MTMR9: variants seen among roughly 807,000 people sequenced by gnomAD.
The protein encoded by MTMR9 is myotubularin related protein 9.
A neutral mutation model predicts 69.5 loss-of-function variants in MTMR9; 39 were observed. The ratio of observed to expected loss-of-function variants is 0.56; its 90% CI spans 0.43 to 0.73. The LOEUF (loss-of-function observed/expected upper bound fraction) is 0.73, where lower values mean the gene tolerates loss of function less well. Ranked by LOEUF, MTMR9 falls within the 30% of genes least tolerant of loss-of-function variation. The pLI, the probability that MTMR9 is intolerant of heterozygous loss-of-function variation, is 0.00. For synonymous variants in MTMR9, 354 were observed against 240.8 expected (o/e 1.47, Z -4.35); for missense variants, 900 against 671.2 (o/e 1.34, Z -3.77).
the MTMR9 span, among the ~76,000 whole-genome samples, chr8:11,336,757 G>C: frequency 1.3e-5 from 2 of 152,150 alleles, no homozygotes. Context: ...AGCTAAACGA[G>C]AGCAGGCAAT....
chr8:11,302,135 C>A (rs1193857485), intron 3 of MTMR9, among the ~76,000 whole-genome samples: 6 of 151,328 alleles, frequency 4.0e-5, no homozygotes, highest in Admixed American at 4.0e-4. Flanking sequence ...TGTCTTTGGT[C>A]CCAGTTACCT....
chr8:11,323,181 A>T lies in MTMR9; in HGVS notation c.*393A>T, dbSNP rs1172409704. 1 of 153,566 alleles carries T rather than the reference A, an allele frequency of 6.5e-6. No individual in the cohort carries two copies. The highest frequency in any genetic ancestry group is 1.9e-4 in the East Asian group (1 of 5,266). The allele number at this position is 153,566 out of a possible 1,614,324, so 9.5% of individuals were successfully genotyped here. A position where few individuals can be genotyped will look rare whatever the true frequency, so the allele number is the denominator to read the frequency against. On this transcript the variant is annotated 3_prime_UTR_variant, in exon 10 of 10. Coordinates refer to ENST00000221086, the MANE Select transcript of MTMR9 (RefSeq NM_015458.4). ...CTAGGGACTATTTGGTGGTTTAAAA[A>T]AAGGGTCAGACTTTTAAACACTCTG...
chr8:11,338,502 T>G, the MTMR9 span, among the ~76,000 whole-genome samples: 3 of 152,126 alleles, frequency 2.0e-5, no homozygotes, highest in Non-Finnish European at 4.4e-5. Context: ...TGGCAACAAT[T>G]AATCTTCAGT....
chr8:11,298,866 T>C (rs1799652426), intron 2 of MTMR9: 6 of 985,304 alleles, frequency 6.1e-6, no homozygotes, highest in Non-Finnish European at 7.2e-6. Context: ...AGGATTCAAG[T>C]GCTCCAGGTA....
intron 2 of MTMR9, among the ~76,000 whole-genome samples, chr8:11,295,668 G>C (rs904622350): frequency 3.9e-5 from 6 of 152,180 alleles, no homozygotes; most frequent in Non-Finnish European, 1.5e-5. Context: ...AGAGGTTCTT[G>C]GGAGAAATTT....
chr8:11,287,812 CATATA>C (rs1474922530), intron 1 of MTMR9, among the ~76,000 whole-genome samples: 7 of 89,542 alleles, frequency 7.8e-5, no homozygotes, highest in Admixed American at 5.3e-4. Flanking sequence ...TTATATAATA[CATATA>C]ATATATAATA....
In MTMR9 at chr8:11,284,853, C is replaced by G. The variant is rs202002106; in HGVS notation, c.-36C>G. 7.5e-4 allele frequency: 1,174 copies of G among 1,558,124 alleles called. 9 individuals carry two copies. The African/African-American group carries it at 0.014, about 19-fold the overall frequency. On this transcript the variant is annotated 5_prime_UTR_variant, in exon 1 of 10. Coordinates refer to ENST00000221086, the MANE Select transcript of MTMR9 (RefSeq NM_015458.4). ...CGGCGGGGTAACCGCCTCGCACCTACCGGGCTCGGTTCCCTGGCTCCGGCC... is the reference window on the plus strand; with the variant it reads ...CGGCGGGGTAACCGCCTCGCACCTAGCGGGCTCGGTTCCCTGGCTCCGGCC...
chr8:11,331,135 T>A (rs1328699627), downstream of MTMR9: 1 of 1,606,168 alleles, frequency 6.2e-7, no homozygotes, highest in Non-Finnish European at 8.5e-7. Flanking sequence ...TACTTCAACC[T>A]GCCTGACTCC....
chr8:11,285,948 C>CTTTTTT (rs755153057), intron 1 of MTMR9, among the ~76,000 whole-genome samples: 57 of 107,102 alleles, frequency 5.3e-4, no homozygotes, highest in African/African-American at 1.1e-3. Context: ...TTCTTTCTTT[C>CTTTTTT]TTTTTTTTTT....
intron 1 of MTMR9, among the ~76,000 whole-genome samples, chr8:11,290,365 ATTCTCCATTTAGGCATTACGAATGTT>A (rs1799338521): frequency 6.6e-6 from 1 of 151,898 alleles, no homozygotes; most frequent in South Asian, 2.1e-4. Context: ...GTGGGTGTTC[ATTCTCCATTTAGGCATTACGAATGTT>A]TTCTAGTGTG....
intron 8 of MTMR9, 135 bp from the exon 9 acceptor site, chr8:11,319,552 A>G: frequency 3.5e-6 from 3 of 865,152 alleles, no homozygotes; most frequent in Non-Finnish European, 1.8e-6. Context: ...TGATTTTTCA[A>G]CACTTTGTTT....
rs1387922189 is a variant in MTMR9, at chr8:11,325,960, T to A, written c.*3172T>A. The A allele has an allele frequency of 6.6e-6, 1 of 152,218 alleles. No individual in the cohort carries two copies. Among genetic ancestry groups the A allele is most frequent in the Admixed American group, 6.5e-5 (1 of 15,286 alleles). The allele number at this position is 152,218 out of a possible 1,614,324, so 9.4% of individuals were successfully genotyped here. ...TGTCAGATCCCATATGGGGGATTTTTAAACATTTCTTTGAACTTTGAGGCC... is the reference window on the plus strand; with the variant it reads ...TGTCAGATCCCATATGGGGGATTTTAAAACATTTCTTTGAACTTTGAGGCC... On this transcript the variant is annotated 3_prime_UTR_variant, in exon 10 of 10. Coordinates refer to ENST00000221086, the MANE Select transcript of MTMR9 (RefSeq NM_015458.4).
rs188431040 is a variant in MTMR9, at chr8:11,314,181, G to A, written c.972-742G>A. ...ACCAAACCCGAAGCTTTTGTGTGAAGTTGGTGGTTTTTATTTTTTCCAAAG... is the reference window on the plus strand; with the variant it reads ...ACCAAACCCGAAGCTTTTGTGTGAAATTGGTGGTTTTTATTTTTTCCAAAG... On this transcript the variant is annotated intron_variant, in intron 6 of 9. Coordinates refer to ENST00000221086, the MANE Select transcript of MTMR9 (RefSeq NM_015458.4). 1.2e-3 allele frequency among the ~76,000 whole-genome samples: 176 copies of A among 152,340 alleles called. 1 individual carries two copies. The highest frequency in any genetic ancestry group is 3.1e-3 in the African/African-American group (127 of 41,584).
At chr8:11,332,693 C>T (rs1487746592), downstream of MTMR9, among the ~76,000 whole-genome samples, 1 of 152,002 alleles carries the variant, frequency 6.6e-6, no homozygotes, top group African/African-American at 2.4e-5. Flanking sequence ...CATCCGCCTT[C>T]TGGGTTCAAG....
At chr8:11,303,218 A>G (rs1799814446) in intron 3 of MTMR9, among the ~76,000 whole-genome samples, 1 of 149,424 alleles carries the variant, frequency 6.7e-6, no homozygotes, top group Admixed American at 6.8e-5. Flanking sequence ...TAAAAGCTAT[A>G]GGAGTTACTA....
At chr8:11,319,942 G>A in intron 9 of MTMR9, 104 bp downstream of exon 9, 3 of 1,159,290 alleles carry the variant, frequency 2.6e-6, no homozygotes, top group Non-Finnish European at 3.7e-6. Flanking sequence ...GCTGGACGTG[G>A]CCCTCAGACC....
chr8:11,288,602 G>C (rs1227481457), intron 1 of MTMR9, among the ~76,000 whole-genome samples: 2 of 152,096 alleles, frequency 1.3e-5, no homozygotes, highest in Non-Finnish European at 2.9e-5. Context: ...CATGTGCAGA[G>C]AAGAGCGAAG....
At chr8:11,336,629 C>T in the MTMR9 span, among the ~76,000 whole-genome samples, 1 of 152,168 alleles carries the variant, frequency 6.6e-6, no homozygotes, top group Non-Finnish European at 1.5e-5. Flanking sequence ...TCTCCAATGC[C>T]AGGAAAGTAA....
intron 3 of MTMR9, among the ~76,000 whole-genome samples, chr8:11,303,921 G>T (rs904234650): frequency 1.3e-5 from 2 of 152,120 alleles, no homozygotes; most frequent in African/African-American, 4.8e-5. Context: ...TCTTATAAAA[G>T]CATTTTTTAA....
Sources: allele counts gnomAD v4.1 joint callset (sites outside exome capture counted in the v4.1 genomes callset), GRCh38; gene constraint gnomAD v4.1.1; transcripts MANE v1.5; gene names NCBI Gene and HGNC (gene_info 2026-07-23, HGNC 2026-07-21).